Variants in MED27 observed in about 807,000 individuals in gnomAD.
MED27 encodes mediator complex subunit 27.
A neutral mutation model predicts 38.2 loss-of-function variants in MED27; 30 were observed. The observed-to-expected ratio is 0.79, with a 90% confidence interval of 0.59 to 1.07. MED27 has a LOEUF of 1.07. Ranked by LOEUF, MED27 falls within the 50% of genes least tolerant of loss-of-function variation. MED27 has a pLI of 0.00. For missense variants in MED27, 289 were observed against 397.5 expected, an observed-to-expected ratio of 0.73 and a Z score of 2.32; for synonymous variants, 122 against 153.5, an observed-to-expected ratio of 0.79 and a Z score of 1.52.
intron 2 of MED27, among the ~76,000 whole-genome samples, chr9:132,019,067 T>G (rs1589269461): frequency 6.6e-6 from 1 of 152,156 alleles, no homozygotes; most frequent in Non-Finnish European, 1.5e-5. Flanking sequence ...CCTCTGCCAG[T>G]CACTCTAGGC....
At chr9:132,068,111 G>T (rs1204500023) in intron 2 of MED27, among the ~76,000 whole-genome samples, 1 of 152,170 alleles carries the variant, frequency 6.6e-6, no homozygotes, top group Non-Finnish European at 1.5e-5. Flanking sequence ...AGAAGAACAA[G>T]TGGTGCTAGA....
chr9:132,025,337 C>A (rs1832796466), intron 2 of MED27, among the ~76,000 whole-genome samples: 1 of 152,170 alleles, frequency 6.6e-6, no homozygotes, highest in Non-Finnish European at 1.5e-5. Flanking sequence ...CATGCGCCAC[C>A]ACACCCAGCT....
intron 4 of MED27, among the ~76,000 whole-genome samples, chr9:131,910,449 A>G (rs908564389): frequency 2.0e-5 from 3 of 152,220 alleles, no homozygotes; most frequent in South Asian, 2.1e-4. Flanking sequence ...ACAGCAGCAA[A>G]TTATGTAAAA....
At position 131,872,332 on chromosome 9, in the gene MED27, A is replaced by G. The variant is rs1838851214; in HGVS notation, c.724-9192T>C. On this transcript the variant is annotated intron_variant, in intron 6 of 7. Transcript: ENST00000292035. The surrounding 1 kb of genome is among the most constrained non-coding windows in gnomAD (Gnocchi z 5.6). ...CTGAGGGCATTATCTGCCAGCACACAGCCCCCGAGGCCAAGCTAGAAGAGC... is the reference window on the plus strand; with the variant it reads ...CTGAGGGCATTATCTGCCAGCACACGGCCCCCGAGGCCAAGCTAGAAGAGC... 1.3e-5 allele frequency among the ~76,000 whole-genome samples: 2 copies of G among 152,364 alleles called. No homozygotes were observed. The highest frequency in any genetic ancestry group is 4.1e-4 in the South Asian group (2 of 4,828).
intron 6 of MED27, among the ~76,000 whole-genome samples, chr9:131,882,078 A>G (rs1839057883): frequency 6.6e-6 from 1 of 152,098 alleles, no homozygotes. Flanking sequence ...TTTCTGTTTC[A>G]GGATCCAATC....
chr9:132,052,871 T>C (rs1159312850), intron 2 of MED27, among the ~76,000 whole-genome samples: 1 of 152,246 alleles, frequency 6.6e-6, no homozygotes, highest in African/African-American at 2.4e-5. Context: ...CAGTATTCCA[T>C]GGCATGCACA....
At chr9:131,964,962 T>G (rs1321324501) in intron 3 of MED27, among the ~76,000 whole-genome samples, 1 of 152,234 alleles carries the variant, frequency 6.6e-6, no homozygotes, top group African/African-American at 2.4e-5. Flanking sequence ...TTTTTAAAAG[T>G]GAAAGTACAA....
intron 2 of MED27, among the ~76,000 whole-genome samples, chr9:132,018,779 T>C (rs985056325): frequency 6.6e-6 from 1 of 152,156 alleles, no homozygotes; most frequent in Non-Finnish European, 1.5e-5. Flanking sequence ...TCAAAACTTA[T>C]AAGCCAGATC....
chr9:132,067,576 G>A (rs1165183383), intron 2 of MED27, among the ~76,000 whole-genome samples: 4 of 152,206 alleles, frequency 2.6e-5, no homozygotes, highest in African/African-American at 7.2e-5. Flanking sequence ...AGTGGGGAGA[G>A]AGGAAGCTGT....
In MED27 at chr9:132,079,363, G is replaced by A. The variant is rs572124183; in HGVS notation, c.203+279C>T. ...AAGCTCAGAGAAGTGGAAGTTCATG[G>A]GAAAAGCATGCCTCCTTGTTAGGAA... On this transcript the variant is annotated intron_variant, in intron 1 of 7. Coordinates refer to ENST00000292035, the MANE Select transcript of MED27 (RefSeq NM_004269.4). 5.9e-5 allele frequency among the ~76,000 whole-genome samples: 9 copies of A among 152,320 alleles called. No individual in the cohort carries two copies. In the East Asian group the frequency reaches 1.2e-3, roughly 20 times the overall value.
intron 2 of MED27, among the ~76,000 whole-genome samples, chr9:132,037,658 G>A (rs954928123): frequency 3.9e-5 from 6 of 152,250 alleles, no homozygotes; most frequent in South Asian, 4.2e-4. Context: ...GGCTGGCTTC[G>A]GTGGCAATGA....
At chr9:131,964,713 C>T (rs141722850) in intron 3 of MED27, among the ~76,000 whole-genome samples, 97 of 152,266 alleles carry the variant, frequency 6.4e-4, no homozygotes, top group Admixed American at 1.2e-3. Context: ...TATAAGACAG[C>T]GGTCTGTTTT....
chr9:132,028,041 C>T (rs1191159002), intron 2 of MED27, among the ~76,000 whole-genome samples: 1 of 152,194 alleles, frequency 6.6e-6, no homozygotes, highest in African/African-American at 2.4e-5. Context: ...CACAGCCGGA[C>T]AACCTACGTG....
chr9:131,983,137 A>G (rs756714486), intron 3 of MED27, among the ~76,000 whole-genome samples: 11 of 152,114 alleles, frequency 7.2e-5, no homozygotes, highest in Non-Finnish European at 1.3e-4. Context: ...GCCACTTTCT[A>G]TGCTTCCTCT....
At chr9:132,007,455 T>A (rs1412886160) in intron 3 of MED27, among the ~76,000 whole-genome samples, 1 of 152,214 alleles carries the variant, frequency 6.6e-6, no homozygotes, top group Non-Finnish European at 1.5e-5. Context: ...GAAAATATTA[T>A]GTTCTGCATG....
intron 3 of MED27, among the ~76,000 whole-genome samples, chr9:131,992,104 T>C (rs1259245168): frequency 2.6e-5 from 4 of 152,198 alleles, no homozygotes; most frequent in African/African-American, 9.7e-5. Flanking sequence ...GACATTTTAT[T>C]ATCCTTCATT....
chr9:132,079,833 C>G lies in MED27; in HGVS notation c.12G>C (p.Val4=), dbSNP rs750276231. 4.4e-6 allele frequency: 7 copies of G among 1,590,926 alleles called. No homozygotes were observed. The highest frequency in any genetic ancestry group is 6.0e-6 in the Non-Finnish European group (7 of 1,168,502). MAD[V]INVSVNLEAF... ...CCTCCAGGTTCACACTGACATTTAT[C>G]ACGTCCGCCATGTTGCCGCCGCCAC... The change falls in exon 1 of 8, where the codon GTG becomes GTC. Residue 4 remains valine (V), a synonymous_variant. Coordinates refer to ENST00000292035, the MANE Select transcript of MED27 (RefSeq NM_004269.4).
chr9:131,961,134 T>C (rs1161941716), intron 3 of MED27, among the ~76,000 whole-genome samples: 1 of 152,204 alleles, frequency 6.6e-6, no homozygotes, highest in Non-Finnish European at 1.5e-5. Flanking sequence ...GAGGCTGAGC[T>C]CTTGCTTATC....
At chr9:132,024,706 A>C (rs1244474789) in intron 2 of MED27, among the ~76,000 whole-genome samples, 1 of 152,234 alleles carries the variant, frequency 6.6e-6, no homozygotes, top group Admixed American at 6.5e-5. Flanking sequence ...TCTTGGCATC[A>C]TCAAATCCTA....
Sources: gnomAD v4.1 joint callset for allele counts (sites outside exome capture counted in the v4.1 genomes callset) on GRCh38, gnomAD v4.1.1 for gene constraint, Gnocchi (gnomAD v3.1) non-coding constraint, MANE v1.5 for transcripts, NCBI Gene and HGNC (gene_info 2026-07-23, HGNC 2026-07-21) for gene names.